Variants in SLC24A3 observed in about 807,000 individuals in gnomAD.
SLC24A3 encodes the protein solute carrier family 24 member 3, also known as sodium/potassium/calcium exchanger 3.
SLC24A3 carries 28 observed loss-of-function variants against 75.8 expected under a neutral mutation model. The observed-to-expected ratio is 0.37, with a 90% confidence interval of 0.27 to 0.51. The LOEUF (loss-of-function observed/expected upper bound fraction) is 0.51. Among genes scored for constraint, SLC24A3 ranks in the 20% least tolerant of loss-of-function variants. The pLI, the probability that SLC24A3 is intolerant of heterozygous loss-of-function variation, is 0.94. For synonymous variants in SLC24A3, 372 were observed against 334.1 expected, an observed-to-expected ratio of 1.11 and a Z score of -1.24; for missense variants, 663 against 847.8, an observed-to-expected ratio of 0.78 and a Z score of 2.71.
chr20:19,322,125 C>G (rs1984721407), intron 2 of SLC24A3, among the ~76,000 whole-genome samples: 1 of 152,092 alleles, frequency 6.6e-6, no homozygotes, highest in Non-Finnish European at 1.5e-5. Context: ...TATGAAGTGT[C>G]CACCAGGTTG....
chr20:19,481,216 C>T (rs1349174440), intron 2 of SLC24A3, among the ~76,000 whole-genome samples: 1 of 133,882 alleles, frequency 7.5e-6, no homozygotes, highest in Non-Finnish European at 1.6e-5. Context: ...ATTGCTACGT[C>T]CTGGCTTGTC....
intron 2 of SLC24A3, among the ~76,000 whole-genome samples, chr20:19,437,898 C>T (rs745797473): frequency 7.2e-5 from 11 of 152,174 alleles, no homozygotes; most frequent in Non-Finnish European, 1.5e-4. Flanking sequence ...AAATTCCCCA[C>T]CACCATTTTG....
chr20:19,488,001 A>G (rs1342502144), intron 2 of SLC24A3, among the ~76,000 whole-genome samples: 1 of 152,230 alleles, frequency 6.6e-6, no homozygotes, highest in East Asian at 1.9e-4. Context: ...AGATGTGTCA[A>G]TGACCATCTC....
At chr20:19,461,348 A>AAT (rs773456057) in intron 2 of SLC24A3, among the ~76,000 whole-genome samples, 6 of 152,216 alleles carry the variant, frequency 3.9e-5, no homozygotes, top group Admixed American at 6.5e-5. Context: ...GAAAAAGAAA[A>AAT]ATATATATAT....
At chr20:19,631,370 G>T (rs2031931042) in intron 6 of SLC24A3, among the ~76,000 whole-genome samples, 1 of 152,046 alleles carries the variant, frequency 6.6e-6, no homozygotes, top group South Asian at 2.1e-4. Context: ...AAAAGATATT[G>T]TGAATATTTT....
chr20:19,561,208 G>A (rs1335855920), intron 3 of SLC24A3, among the ~76,000 whole-genome samples: 1 of 152,138 alleles, frequency 6.6e-6, no homozygotes, highest in African/African-American at 2.4e-5. Context: ...GGGGCAAAAA[G>A]AAATTGGCTA....
intron 2 of SLC24A3, among the ~76,000 whole-genome samples, chr20:19,358,111 A>G (rs6046016): frequency 0.54 from 82,160 of 152,088 alleles, 23,859 homozygotes; most frequent in African/African-American, 0.76. Flanking sequence ...TCATTTTCAC[A>G]TAGTTAATTA....
chr20:19,395,006 C>T (rs982099768), intron 2 of SLC24A3, among the ~76,000 whole-genome samples: 3 of 152,120 alleles, frequency 2.0e-5, no homozygotes, highest in Non-Finnish European at 2.9e-5. Context: ...CAAAATGTGG[C>T]GTATACATAC....
chr20:19,653,206 G>A (rs939497934), intron 6 of SLC24A3, among the ~76,000 whole-genome samples: 4 of 152,058 alleles, frequency 2.6e-5, no homozygotes, highest in African/African-American at 7.2e-5. Flanking sequence ...AAACTCTCCC[G>A]ACCACCTCCA....
At chr20:19,650,364 T>C (rs2032187876) in intron 6 of SLC24A3, among the ~76,000 whole-genome samples, 1 of 152,216 alleles carries the variant, frequency 6.6e-6, no homozygotes, top group African/African-American at 2.4e-5. Context: ...ATTTGTGATA[T>C]ATTTTCCTAT....
chr20:19,517,986 A>G (rs1271315368), intron 3 of SLC24A3, among the ~76,000 whole-genome samples: 6 of 152,208 alleles, frequency 3.9e-5, no homozygotes, highest in Non-Finnish European at 5.9e-5. Flanking sequence ...GTAAGCCCCA[A>G]TAAAGAAGCC....
At chr20:19,267,752 T>C (rs1983209761) in intron 1 of SLC24A3, among the ~76,000 whole-genome samples, 1 of 152,174 alleles carries the variant, frequency 6.6e-6, no homozygotes, top group South Asian at 2.1e-4. Context: ...AGCAAATTTC[T>C]TTAGAAAAGC....
At chr20:19,228,589 G>A (rs1981932221) in intron 1 of SLC24A3, among the ~76,000 whole-genome samples, 1 of 151,866 alleles carries the variant, frequency 6.6e-6, no homozygotes, top group African/African-American at 2.4e-5. Flanking sequence ...AGCTTGCAGT[G>A]AGCTGAGATC....
intron 1 of SLC24A3, among the ~76,000 whole-genome samples, chr20:19,230,200 C>T (rs749593435): frequency 2.8e-4 from 43 of 152,030 alleles, no homozygotes; most frequent in Non-Finnish European, 5.6e-4. Flanking sequence ...GTCCCTTCAG[C>T]GCCCTCACCA....
At chr20:19,498,951 A>C (rs1988343172) in intron 2 of SLC24A3, among the ~76,000 whole-genome samples, 1 of 152,202 alleles carries the variant, frequency 6.6e-6, no homozygotes, top group African/African-American at 2.4e-5. Flanking sequence ...GAAGTCTCCA[A>C]GCTGAGAAGA....
At chr20:19,241,927 G>C (rs1023887344) in intron 1 of SLC24A3, among the ~76,000 whole-genome samples, 3 of 152,178 alleles carry the variant, frequency 2.0e-5, no homozygotes, top group African/African-American at 7.2e-5. Context: ...TAGAAATGCT[G>C]AATAATAAGT....
At chr20:19,691,965 C>A (rs1249850950) in intron 12 of SLC24A3, among the ~76,000 whole-genome samples, 1 of 152,152 alleles carries the variant, frequency 6.6e-6, no homozygotes, top group African/African-American at 2.4e-5. Flanking sequence ...ACCCCTCTGC[C>A]TCCCATAGAC....
At chr20:19,339,583 T>C (rs1985221649) in intron 2 of SLC24A3, among the ~76,000 whole-genome samples, 1 of 152,192 alleles carries the variant, frequency 6.6e-6, no homozygotes, top group Non-Finnish European at 1.5e-5. Flanking sequence ...GAGTTGCATT[T>C]CACATTGCCT....
In SLC24A3 at chr20:19,212,717, G is replaced by A. The variant is rs1003090203; in HGVS notation, c.-126G>A. ...GGAAGAGGAGGCGGAGGCGGCGGCC[G>A]GGTGGGAGCGCAGCGAGGACGCGCG... is the stretch of plus-strand genomic sequence containing the variant. On this transcript the variant is annotated 5_prime_UTR_variant, in exon 1 of 17. Transcript: ENST00000328041. The A allele has an allele frequency of 8.1e-6, 6 of 743,828 alleles. No individual in the cohort carries two copies. The highest frequency in any genetic ancestry group is 5.7e-5 in the South Asian group (1 of 17,418). 46.1% of individuals were successfully genotyped at this position (743,828 alleles called of 1,614,324 possible).
Sources: allele counts gnomAD v4.1 joint callset (sites outside exome capture counted in the v4.1 genomes callset), GRCh38; gene constraint gnomAD v4.1.1; transcripts MANE v1.5; gene names NCBI Gene and HGNC (gene_info 2026-07-23, HGNC 2026-07-21).